ANKRD6: variants seen among roughly 807,000 people sequenced by gnomAD.
The protein encoded by ANKRD6 is ankyrin repeat domain-containing protein 6.
ANKRD6 carries 56 observed loss-of-function variants against 82.3 expected under a neutral mutation model. The observed-to-expected ratio is 0.68, with a 90% CI of 0.55 to 0.85. The LOEUF (loss-of-function observed/expected upper bound fraction) is 0.85. Ranked by LOEUF, ANKRD6 falls within the 40% of genes least tolerant of loss-of-function variation. The probability of loss-of-function intolerance (pLI) is 0.00; values close to 1 mark genes in which losing one functional copy is unlikely to be tolerated. For missense variants in ANKRD6, 852 were observed against 907.6 expected (o/e 0.94, Z 0.79); for synonymous variants, 347 against 352.1 (o/e 0.99, Z 0.16).
At chr6:89,461,731 C>T (rs1175794853) in intron 1 of ANKRD6, among the ~76,000 whole-genome samples, 2 of 152,044 alleles carry the variant, frequency 1.3e-5, no homozygotes, top group African/African-American at 4.8e-5. Context: ...CATACGGCTG[C>T]AGAAATGAAT....
Position 89,615,397 on chromosome 6 carries a change from G to A in ANKRD6, c.616-1162G>A, listed in dbSNP as rs146939442. On this transcript the variant is annotated intron_variant, in intron 7 of 15. Transcript: ENST00000339746. Reference sequence around the variant, plus strand: ...CAAGTAGCACGGCCTCCCCAGTGGGGTGCTAGATCATCAGGTGACCCCTGC... The same window carrying A: ...CAAGTAGCACGGCCTCCCCAGTGGGATGCTAGATCATCAGGTGACCCCTGC... Among the ~76,000 whole-genome samples, 143 of 152,286 alleles carry A rather than the reference G, an allele frequency of 9.4e-4. No individual in the cohort carries two copies. The East Asian group carries it at 0.017, about 18-fold the overall frequency.
intron 1 of ANKRD6, among the ~76,000 whole-genome samples, chr6:89,489,896 T>G (rs1004322646): frequency 1.6e-4 from 24 of 152,180 alleles, no homozygotes; most frequent in Non-Finnish European, 2.9e-4. Context: ...TCAGCAAGGC[T>G]TAGTGATGAA....
intron 1 of ANKRD6, among the ~76,000 whole-genome samples, chr6:89,497,757 C>T (rs964287263): frequency 2.6e-5 from 4 of 152,062 alleles, no homozygotes; most frequent in African/African-American, 4.8e-5. Flanking sequence ...TCCATTATAA[C>T]TATGCAGTTT....
chr6:89,539,734 T>C (rs1344562000), intron 1 of ANKRD6, among the ~76,000 whole-genome samples: 1 of 151,366 alleles, frequency 6.6e-6, no homozygotes, highest in Non-Finnish European at 1.5e-5. Context: ...AAATAGTAGG[T>C]CTTATTCTTT....
At chr6:89,575,103 T>C (rs948875301) in intron 2 of ANKRD6, among the ~76,000 whole-genome samples, 4 of 152,250 alleles carry the variant, frequency 2.6e-5, no homozygotes, top group African/African-American at 9.6e-5. Context: ...CTTTCTGAGC[T>C]GAGCATTTCT....
intron 1 of ANKRD6, among the ~76,000 whole-genome samples, chr6:89,524,749 A>G (rs993667546): frequency 2.0e-5 from 3 of 152,152 alleles, no homozygotes; most frequent in Non-Finnish European, 4.4e-5. Context: ...ATACCCAGTA[A>G]TGGGATTGCT....
intron 1 of ANKRD6, among the ~76,000 whole-genome samples, chr6:89,463,308 G>A (rs772274706): frequency 2.4e-4 from 37 of 151,344 alleles, no homozygotes; most frequent in African/African-American, 5.6e-4. Flanking sequence ...ATATTTTATC[G>A]TATGGATATA....
chr6:89,549,610 C>G (rs1004106848), intron 1 of ANKRD6, among the ~76,000 whole-genome samples: 1 of 152,122 alleles, frequency 6.6e-6, no homozygotes, highest in Admixed American at 6.6e-5. Context: ...ATTTTTTAAG[C>G]CTGCTTTGAT....
intron 1 of ANKRD6, among the ~76,000 whole-genome samples, chr6:89,521,467 A>G (rs2127968753): frequency 6.6e-6 from 1 of 152,326 alleles, no homozygotes; most frequent in African/African-American, 2.4e-5. Flanking sequence ...CTGGCCCCCA[A>G]CCATGTTAAG....
At chr6:89,621,647 C>T (rs890474887) in intron 9 of ANKRD6, 12 of 403,188 alleles carry the variant, frequency 3.0e-5, no homozygotes, top group Middle Eastern at 7.2e-4. Flanking sequence ...TTGGCAGTCC[C>T]GGCCCAGCAT....
chr6:89,595,134 C>A (rs567891049), intron 2 of ANKRD6, among the ~76,000 whole-genome samples: 1 of 152,036 alleles, frequency 6.6e-6, no homozygotes, highest in Admixed American at 6.6e-5. Context: ...GAGGCCAAGG[C>A]GGGTGGATCA....
intron 2 of ANKRD6, among the ~76,000 whole-genome samples, chr6:89,574,461 C>A (rs1479322937): frequency 1.3e-5 from 2 of 152,164 alleles, no homozygotes; most frequent in Non-Finnish European, 2.9e-5. Context: ...TGTGATAGCA[C>A]ATGTTGCCAT....
intron 1 of ANKRD6, among the ~76,000 whole-genome samples, chr6:89,491,341 A>C (rs1268389279): frequency 6.6e-6 from 1 of 152,160 alleles, no homozygotes; most frequent in East Asian, 1.9e-4. Context: ...AACTTGAGAA[A>C]ACTGCAGATA....
chr6:89,516,350 C>A (rs919850922), intron 1 of ANKRD6, among the ~76,000 whole-genome samples: 3 of 152,216 alleles, frequency 2.0e-5, no homozygotes, highest in Non-Finnish European at 2.9e-5. Context: ...CTAAGACTTA[C>A]AACCATCAGG....
intron 2 of ANKRD6, among the ~76,000 whole-genome samples, chr6:89,574,241 G>A (rs543485328): frequency 6.6e-6 from 1 of 152,182 alleles, no homozygotes; most frequent in Non-Finnish European, 1.5e-5. Flanking sequence ...CCTGTGCATT[G>A]TAGGGTATTT....
intron 1 of ANKRD6, among the ~76,000 whole-genome samples, chr6:89,513,499 G>A (rs1420252857): frequency 6.6e-6 from 1 of 152,030 alleles, no homozygotes; most frequent in African/African-American, 2.4e-5. Flanking sequence ...GACCTCTTTT[G>A]CTTAGCAGGA....
intron 1 of ANKRD6, among the ~76,000 whole-genome samples, chr6:89,456,169 G>A (rs1176510666): frequency 2.6e-5 from 4 of 152,094 alleles, no homozygotes; most frequent in Non-Finnish European, 5.9e-5. Context: ...GTGCAAGAAT[G>A]GACTAATACA....
intron 1 of ANKRD6, among the ~76,000 whole-genome samples, chr6:89,446,224 T>C (rs904446427): frequency 3.9e-5 from 6 of 152,006 alleles, no homozygotes; most frequent in African/African-American, 1.4e-4. Context: ...TGCTGGTGCA[T>C]GTCTATAATC....
intron 1 of ANKRD6, among the ~76,000 whole-genome samples, chr6:89,468,802 G>T (rs1274196838): frequency 6.6e-6 from 1 of 151,974 alleles, no homozygotes; most frequent in Non-Finnish European, 1.5e-5. Context: ...CTTTCCTAAG[G>T]CATATCATTT....
Sources: gnomAD v4.1 joint callset for allele counts (sites outside exome capture counted in the v4.1 genomes callset) on GRCh38, gnomAD v4.1.1 for gene constraint, MANE v1.5 for transcripts, NCBI Gene and HGNC (gene_info 2026-07-23, HGNC 2026-07-21) for gene names.